Variants in CNTN5 observed in about 807,000 individuals in gnomAD.
CNTN5 encodes contactin 5.
In CNTN5, 77 loss-of-function variants were observed where a neutral mutation model predicts 129.1. The ratio of observed to expected loss-of-function variants is 0.60; its 90% CI spans 0.50 to 0.72. The LOEUF (loss-of-function observed/expected upper bound fraction) is 0.72, where lower values mean the gene tolerates loss of function less well. Ranked by LOEUF, CNTN5 falls within the 30% of genes least tolerant of loss-of-function variation. The pLI is 0.00. For synonymous variants in CNTN5, 509 were observed against 465.6 expected (o/e 1.09, Z -1.20); for missense variants, 1,478 against 1,328.8 (o/e 1.11, Z -1.75).
intron 13 of CNTN5, among the ~76,000 whole-genome samples, chr11:100,116,847 A>T (rs1945856005): frequency 6.6e-6 from 1 of 152,040 alleles, no homozygotes; most frequent in African/African-American, 2.4e-5. Context: ...ATAAAGAGAA[A>T]GCATTGGTAT....
chr11:99,134,959 T>C (rs1178073416), intron 1 of CNTN5, among the ~76,000 whole-genome samples: 1 of 152,218 alleles, frequency 6.6e-6, no homozygotes, highest in Admixed American at 6.5e-5. Context: ...CTATCAGTAG[T>C]ATAATGAATG....
intron 2 of CNTN5, among the ~76,000 whole-genome samples, chr11:99,343,232 TAGAC>T (rs1866603392): frequency 6.6e-6 from 1 of 152,150 alleles, no homozygotes. Context: ...GCAGTAGATT[TAGAC>T]AGACACAATA....
intron 3 of CNTN5, among the ~76,000 whole-genome samples, chr11:99,793,910 C>A (rs1945842327): frequency 6.6e-6 from 1 of 152,140 alleles, no homozygotes; most frequent in Non-Finnish European, 1.5e-5. Context: ...ATGGAGAGTT[C>A]TGTAGATGCC....
chr11:99,401,893 T>G (rs1941830735), intron 2 of CNTN5, among the ~76,000 whole-genome samples: 1 of 152,124 alleles, frequency 6.6e-6, no homozygotes, highest in Non-Finnish European at 1.5e-5. Context: ...ATATAGAAAT[T>G]CTATTGATTT....
At chr11:99,864,569 G>A (rs572548857) in intron 6 of CNTN5, among the ~76,000 whole-genome samples, 11 of 152,144 alleles carry the variant, frequency 7.2e-5, no homozygotes, top group African/African-American at 2.4e-4. Flanking sequence ...CAGCTGCCTG[G>A]CATGCTGATT....
At chr11:99,380,102 TG>T in intron 2 of CNTN5, among the ~76,000 whole-genome samples, 1 of 136,686 alleles carries the variant, frequency 7.3e-6, no homozygotes. Context: ...TGTGTGTGTG[TG>T]TGTATGGTGT....
intron 1 of CNTN5, among the ~76,000 whole-genome samples, chr11:99,159,276 C>A (rs1177518435): frequency 6.6e-6 from 1 of 152,118 alleles, no homozygotes; most frequent in Non-Finnish European, 1.5e-5. Flanking sequence ...TAGTTTATTA[C>A]ACATTTTATC....
intron 6 of CNTN5, among the ~76,000 whole-genome samples, chr11:99,893,604 C>T (rs916748606): frequency 6.6e-6 from 1 of 152,078 alleles, no homozygotes; most frequent in Non-Finnish European, 1.5e-5. Flanking sequence ...GGCAAGGATA[C>T]TGCAGGAAGG....
intron 18 of CNTN5, among the ~76,000 whole-genome samples, chr11:100,285,772 A>G (rs1950768580): frequency 6.6e-6 from 1 of 152,222 alleles, no homozygotes; most frequent in African/African-American, 2.4e-5. Flanking sequence ...CCGAATAGGA[A>G]CAGCTCCGGT....
intron 2 of CNTN5, among the ~76,000 whole-genome samples, chr11:99,514,646 A>C (rs1946974874): frequency 6.6e-6 from 1 of 152,072 alleles, no homozygotes; most frequent in Non-Finnish European, 1.5e-5. Context: ...TGGTTAGCAT[A>C]TTGTTTTGGC....
intron 3 of CNTN5, among the ~76,000 whole-genome samples, chr11:99,816,420 A>G (rs1946588754): frequency 6.6e-6 from 1 of 152,126 alleles, no homozygotes; most frequent in Admixed American, 6.6e-5. Context: ...AATGTCCTGG[A>G]GGCACCATAG....
At position 99,645,440 on chromosome 11, in the gene CNTN5, C is replaced by T. The variant is rs190174442; in HGVS notation, c.55+89171C>T. Among the ~76,000 whole-genome samples the T allele has an allele frequency of 1.9e-3, 291 of 152,010 alleles. 3 individuals carry two copies. The highest frequency in any genetic ancestry group is 6.5e-3 in the African/African-American group (269 of 41,442). ...TCCTGATTCTAGATCCTTGAGGAAT[C>T]GCCACACTGTCTTCCACAGTAGTTG... On this transcript the variant is annotated intron_variant, in intron 3 of 24. Transcript: ENST00000524871.
chr11:100,070,371 G>GC (rs1225696057), intron 10 of CNTN5, 53 bp from the exon 11 acceptor site: 1 of 1,540,762 alleles, frequency 6.5e-7, no homozygotes, highest in Non-Finnish European at 8.8e-7. Flanking sequence ...TTTAAACTTG[G>GC]TAAAGCGTTT....
chr11:99,733,153 G>A (rs891912157), intron 3 of CNTN5, among the ~76,000 whole-genome samples: 2 of 149,062 alleles, frequency 1.3e-5, no homozygotes, highest in South Asian at 2.1e-4. Context: ...GTGAAACCTC[G>A]TCTCTACTAA....
intron 1 of CNTN5, among the ~76,000 whole-genome samples, chr11:99,275,021 C>T (rs936915384): frequency 5.3e-5 from 8 of 151,202 alleles, no homozygotes; most frequent in African/African-American, 1.9e-4. Context: ...TTATATATTT[C>T]TGTATTTAAG....
intron 4 of CNTN5, among the ~76,000 whole-genome samples, chr11:99,844,409 A>G (rs1052490608): frequency 6.6e-6 from 1 of 152,232 alleles, no homozygotes; most frequent in African/African-American, 2.4e-5. Context: ...AAAATGCAAG[A>G]GGACTAATAT....
chr11:100,004,214 C>T (rs1477845823), intron 9 of CNTN5, among the ~76,000 whole-genome samples: 1 of 152,174 alleles, frequency 6.6e-6, no homozygotes, highest in Non-Finnish European at 1.5e-5. Flanking sequence ...TCTTACCACT[C>T]AGGCTGTTTT....
intron 4 of CNTN5, 162 bp from the exon 5 acceptor site, chr11:99,844,690 T>TA: frequency 3.1e-6 from 2 of 636,564 alleles, no homozygotes; most frequent in Middle Eastern, 5.1e-4. Flanking sequence ...TACAATTTAA[T>TA]AAAACAATGC....
chr11:99,408,476 A>AAGAAAG (rs1942228917), intron 2 of CNTN5, among the ~76,000 whole-genome samples: 1 of 135,466 alleles, frequency 7.4e-6, no homozygotes, highest in African/African-American at 2.6e-5. Flanking sequence ...GAAAGAAAGA[A>AAGAAAG]AGAAAGAAAG....
Sources: gnomAD v4.1 joint callset for allele counts (sites outside exome capture counted in the v4.1 genomes callset) on GRCh38, gnomAD v4.1.1 for gene constraint, MANE v1.5 for transcripts, NCBI Gene and HGNC (gene_info 2026-07-23, HGNC 2026-07-21) for gene names.